The following SLC8A3 variants were observed in gnomAD, a reference collection of about 807,000 sequenced individuals.
SLC8A3 encodes the protein sodium/calcium exchanger 3.
A neutral mutation model predicts 65.4 loss-of-function variants in SLC8A3; 37 were observed. The ratio of observed to expected loss-of-function variants is 0.57; its 90% CI spans 0.44 to 0.74. The LOEUF (loss-of-function observed/expected upper bound fraction) is 0.74. Among genes scored for constraint, SLC8A3 ranks in the 30% least tolerant of loss-of-function variants. SLC8A3 has a pLI of 0.00. For synonymous variants in SLC8A3, 461 were observed against 444.5 expected (o/e 1.04, Z -0.47); for missense variants, 1,112 against 1,172.1 (o/e 0.95, Z 0.75).
intron 2 of SLC8A3, among the ~76,000 whole-genome samples, chr14:70,101,921 T>C (rs1892577077): frequency 6.6e-6 from 1 of 152,128 alleles, no homozygotes; most frequent in African/African-American, 2.4e-5. Context: ...TCTGAGTTGT[T>C]AAGGTGAGTG....
At chr14:70,120,939 A>G (rs1055462789) in intron 2 of SLC8A3, among the ~76,000 whole-genome samples, 29 of 152,192 alleles carry the variant, frequency 1.9e-4, no homozygotes, top group Non-Finnish European at 4.3e-4. Flanking sequence ...TTCTCTGTCT[A>G]TACGGCCATT....
chr14:70,083,146 T>A (rs909336030), intron 2 of SLC8A3, among the ~76,000 whole-genome samples: 1 of 152,148 alleles, frequency 6.6e-6, no homozygotes, highest in Non-Finnish European at 1.5e-5. Context: ...ACCTAGCTCC[T>A]CTCCCCAGCA....
intron 2 of SLC8A3, among the ~76,000 whole-genome samples, chr14:70,128,761 T>C (rs1435342831): frequency 1.3e-5 from 2 of 152,230 alleles, no homozygotes; most frequent in East Asian, 3.9e-4. Flanking sequence ...CCTTCTTTCC[T>C]GCCTTTGTTC....
At position 70,098,913 on chromosome 14, in the gene SLC8A3, G is replaced by A. The variant is rs181475746; in HGVS notation, c.1785-37974C>T. Among the ~76,000 whole-genome samples, 7 of 152,280 alleles carry A rather than the reference G, an allele frequency of 4.6e-5. No homozygotes were observed. The East Asian group carries it at 1.4e-3, about 29-fold the overall frequency. On this transcript the variant is annotated intron_variant, in intron 2 of 6. Coordinates refer to ENST00000356921, the MANE Select transcript of SLC8A3 (RefSeq NM_182932.3). ...AGATGTGATGATTTCTATCCTGCAG[G>A]TTTTCTACTCCTTTGAGGAGGCATT... is the stretch of plus-strand genomic sequence containing the variant.
In SLC8A3 at chr14:70,046,304, A is replaced by G. The variant is rs1218502825; in HGVS notation, c.2409T>C (p.Ala803=). 1.2e-6 allele frequency: 2 copies of G among 1,608,458 alleles called. No individual in the cohort carries two copies. The highest frequency in any genetic ancestry group is 1.7e-6 in the Non-Finnish European group (2 of 1,176,344). The change falls in exon 7 of 7, where the codon GCT becomes GCC. Residue 803 remains alanine (A), a synonymous_variant. Transcript: ENST00000356921. The surrounding 1 kb of genome is among the most constrained non-coding windows in gnomAD (Gnocchi z 4.2). ...TSVPDTFASK[A]AALQDVYADA... is the part of the protein sequence containing the mutation. ...CTGCATATACATCCTGGAGGGCAGCAGCTTTGCTGGCAAACGTATCTGGAA... is the reference window on the plus strand; with the variant it reads ...CTGCATATACATCCTGGAGGGCAGCGGCTTTGCTGGCAAACGTATCTGGAA...
chr14:70,121,336 C>T (rs1229632293), intron 2 of SLC8A3, among the ~76,000 whole-genome samples: 1 of 152,184 alleles, frequency 6.6e-6, no homozygotes, highest in Non-Finnish European at 1.5e-5. Context: ...GATTGTTTCT[C>T]ACAGCAGTGC....
intron 2 of SLC8A3, among the ~76,000 whole-genome samples, chr14:70,121,118 A>C (rs1894022281): frequency 6.6e-6 from 1 of 152,118 alleles, no homozygotes; most frequent in Non-Finnish European, 1.5e-5. Context: ...TCAGTTCAAA[A>C]AATACTGCAT....
chr14:70,187,645 G>GTGTC (rs1883426614), intron 1 of SLC8A3, among the ~76,000 whole-genome samples: 1 of 147,802 alleles, frequency 6.8e-6, no homozygotes, highest in African/African-American at 2.5e-5. Flanking sequence ...GTGTGTCCGC[G>GTGTC]CGCGCGTGTG....
chr14:70,091,435 G>A (rs1464830517), intron 2 of SLC8A3, among the ~76,000 whole-genome samples: 1 of 152,064 alleles, frequency 6.6e-6, no homozygotes, highest in Non-Finnish European at 1.5e-5. Context: ...TACAAACCCT[G>A]GCTCTTCACT....
At chr14:70,164,842 C>G (rs943589060) in intron 2 of SLC8A3, among the ~76,000 whole-genome samples, 1 of 152,174 alleles carries the variant, frequency 6.6e-6, no homozygotes, top group South Asian at 2.1e-4. Flanking sequence ...TTTGTTTTCC[C>G]AGTGAAGCCC....
At chr14:70,160,132 G>A (rs1896799932) in intron 2 of SLC8A3, among the ~76,000 whole-genome samples, 1 of 152,194 alleles carries the variant, frequency 6.6e-6, no homozygotes, top group African/African-American at 2.4e-5. Flanking sequence ...GGTATTATAA[G>A]TAATCTAGAG....
At chr14:70,187,601 G>C (rs1883394002) in intron 1 of SLC8A3, among the ~76,000 whole-genome samples, 1 of 48,286 alleles carries the variant, frequency 2.1e-5, no homozygotes, top group South Asian at 5.5e-4. Flanking sequence ...GGCTTTGACT[G>C]TGTGTGTGTG....
intron 2 of SLC8A3, among the ~76,000 whole-genome samples, chr14:70,151,889 C>G (rs1896299168): frequency 6.6e-6 from 1 of 150,824 alleles, no homozygotes; most frequent in African/African-American, 2.5e-5. Context: ...GTAAGGATAC[C>G]AGTCATAGGA....
At chr14:70,086,401 C>CTT (rs10605312) in intron 2 of SLC8A3, among the ~76,000 whole-genome samples, 7 of 116,160 alleles carry the variant, frequency 6.0e-5, no homozygotes, top group Non-Finnish European at 9.0e-5. Flanking sequence ...TTTCTTTTTT[C>CTT]TTTTTTTTTT....
At chr14:70,185,895 C>T (rs1177438451) in intron 1 of SLC8A3, among the ~76,000 whole-genome samples, 1 of 152,208 alleles carries the variant, frequency 6.6e-6, no homozygotes, top group Non-Finnish European at 1.5e-5. Flanking sequence ...GGACTTAGCA[C>T]ATGCCTGACA....
intron 1 of SLC8A3, among the ~76,000 whole-genome samples, chr14:70,186,087 T>C (rs994417945): frequency 1.3e-5 from 2 of 152,076 alleles, no homozygotes; most frequent in Non-Finnish European, 2.9e-5. Flanking sequence ...GCCAGGGAAG[T>C]AATTGAATCA....
chr14:70,098,005 G>A (rs1892302965), intron 2 of SLC8A3, among the ~76,000 whole-genome samples: 1 of 152,160 alleles, frequency 6.6e-6, no homozygotes, highest in African/African-American at 2.4e-5. Flanking sequence ...CTTCTTCTCT[G>A]CCACTATCCT....
intron 2 of SLC8A3, among the ~76,000 whole-genome samples, chr14:70,091,810 A>AACTGGATTATTTTGCTCATCTC (rs1891823052): frequency 6.6e-6 from 1 of 152,166 alleles, no homozygotes; most frequent in Admixed American, 6.5e-5. Context: ...TACAATTACA[A>AACTGGATTATTTTGCTCATCTC]ACTGGATTAT....
intron 2 of SLC8A3, among the ~76,000 whole-genome samples, chr14:70,082,891 T>C (rs1891157381): frequency 6.6e-6 from 1 of 152,196 alleles, no homozygotes; most frequent in African/African-American, 2.4e-5. Context: ...AATGCATTTC[T>C]TTCTTCCCCA....
Sources: allele counts gnomAD v4.1 joint callset (sites outside exome capture counted in the v4.1 genomes callset), GRCh38; gene constraint gnomAD v4.1.1; non-coding constraint Gnocchi (gnomAD v3.1); transcripts MANE v1.5; gene names NCBI Gene and HGNC (gene_info 2026-07-23, HGNC 2026-07-21).